The following DNAJC13 variants were observed in gnomAD, a reference collection of about 807,000 sequenced individuals.
DNAJC13 encodes the protein DnaJ heat shock protein family (Hsp40) member C13.
DNAJC13 carries 75 observed loss-of-function variants against 290.5 expected under a neutral mutation model. The observed-to-expected ratio is 0.26, with a 90% CI of 0.21 to 0.31. The LOEUF (loss-of-function observed/expected upper bound fraction) is 0.31, where lower values mean the gene tolerates loss of function less well. Among genes scored for constraint, DNAJC13 ranks in the 10% least tolerant of loss-of-function variants. DNAJC13 has a pLI of 1.00. For synonymous variants in DNAJC13, 862 were observed against 892.0 expected, an observed-to-expected ratio of 0.97 and a Z score of 0.60; for missense variants, 2,260 against 2,674.5, an observed-to-expected ratio of 0.85 and a Z score of 3.42.
intron 47 of DNAJC13, 74 bp from the exon 48 acceptor site, chr3:132,516,630 A>C: frequency 1.2e-5 from 19 of 1,530,118 alleles, no homozygotes; most frequent in Non-Finnish European, 1.7e-5. Context: ...ATTCAGTTGA[A>C]ATATGGTTGA....
In DNAJC13 at chr3:132,526,167, A is replaced by G. The variant is rs762432036; in HGVS notation, c.6267A>G (p.Leu2089=). The G allele has an allele frequency of 1.8e-5, 29 of 1,614,010 alleles. No individual in the cohort carries two copies. The highest frequency in any genetic ancestry group is 2.4e-5 in the Non-Finnish European group (28 of 1,179,998). ...TGTGTGTTCGAGCCATGGCATCTTTAGAGACCATTGGCCCACTGATGAATG... is the reference window on the plus strand; with the variant it reads ...TGTGTGTTCGAGCCATGGCATCTTTGGAGACCATTGGCCCACTGATGAATG... ...NELCVRAMAS[L]ETIGPLMNGM... Residue 2089 remains leucine, a synonymous_variant, in exon 53 of 56, where the codon TTA becomes TTG. Coordinates refer to ENST00000260818, the MANE Select transcript of DNAJC13 (RefSeq NM_015268.4).
intron 51 of DNAJC13, 43 bp from the exon 52 acceptor site, chr3:132,525,567 A>T: frequency 1.9e-6 from 3 of 1,594,054 alleles, no homozygotes; most frequent in Non-Finnish European, 2.6e-6. Context: ...TTAGGGCTGT[A>T]TGAGTATTTT....
Position 132,503,352 on chromosome 3 carries a change from A to G in DNAJC13, c.4855A>G (p.Arg1619Gly). Reference protein sequence around the residue: ...LAGMLTPYVARKLAVASVTEI... With the variant: ...LAGMLTPYVAGKLAVASVTEI... Reference sequence around the variant, plus strand: ...TGGCATGCTGACACCCTATGTTGCTAGAAAACTTGCTGTGGCTAGTGTGAC... The same window carrying G: ...TGGCATGCTGACACCCTATGTTGCTGGAAAACTTGCTGTGGCTAGTGTGAC... The change falls in exon 41 of 56, where the codon AGA becomes GGA. Residue 1619 changes from arginine (R) to glycine (G), a missense_variant. Arg to Gly is a moderately radical substitution (Grantham distance 125). Around this residue, in one of 3 missense-constraint regions of DNAJC13, gnomAD observed 1,494 missense variants for 1,693.7 expected, o/e 0.88. Coordinates refer to ENST00000260818, the MANE Select transcript of DNAJC13 (RefSeq NM_015268.4). The G allele has an allele frequency of 6.2e-7, 1 of 1,614,164 alleles. No homozygotes were observed. Among genetic ancestry groups the G allele is most frequent in the South Asian group, 1.1e-5 (1 of 91,086 alleles).
intron 54 of DNAJC13, among the ~76,000 whole-genome samples, 174 bp from the exon 55 acceptor site, chr3:132,530,824 T>C (rs1225028382): frequency 1.3e-5 from 2 of 152,228 alleles, no homozygotes; most frequent in African/African-American, 4.8e-5. Flanking sequence ...CTTAATGAGA[T>C]GTGTCTGGCA....
Position 132,492,480 on chromosome 3 carries a change from A to C in DNAJC13, c.3690A>C (p.Thr1230=). Residue 1230 remains threonine (T), a synonymous_variant, in exon 33 of 56, where the codon ACA becomes ACC. Transcript: ENST00000260818. ...TCACACCTCGTCTTCAGAGTAACAC[A>C]AGAGCACTTTATCAGTATTGCCCCA... ...ADFTPRLQSN[T]RALYQYCPIP... 1 of 1,613,930 alleles carries C rather than the reference A, an allele frequency of 6.2e-7. No homozygotes were observed. Among genetic ancestry groups the C allele is most frequent in the Non-Finnish European group, 8.5e-7 (1 of 1,179,856 alleles).
In DNAJC13 at chr3:132,443,067, G is replaced by A. The variant is rs116343845; in HGVS notation, c.69-3408G>A. Among the ~76,000 whole-genome samples the A allele has an allele frequency of 4.4e-3, 672 of 152,340 alleles. 1 individual carries two copies. Among genetic ancestry groups the A allele is most frequent in the Admixed American group, 8.0e-3 (123 of 15,302 alleles). On this transcript the variant is annotated intron_variant, in intron 2 of 55. Transcript: ENST00000260818. ...ATGCTGGGTACTGTGGTAGGAGTTA[G>A]CCTCAAAGAAGAAGACTTGTGCCTC...
rs1439889548 is a variant in DNAJC13 at position 132,475,074 on chromosome 3, C to T, written c.2434C>T (p.His812Tyr). 2 of 1,594,782 alleles carry T rather than the reference C, an allele frequency of 1.3e-6. No individual in the cohort carries two copies. The highest frequency in any genetic ancestry group is 2.3e-5 in the East Asian group (1 of 43,874). ...GSANVISWNH[H>Y]EFEVKYECLA... ...TGCAAATGTGATCTCCTGGAACCAC[C>T]ATGAGTTTGAGGTAAAGTTTGATTT... Residue 812 changes from histidine to tyrosine, a missense_variant, in exon 22 of 56, where the codon CAT (histidine) becomes TAT (tyrosine). By Grantham distance (83) the His-to-Tyr change is moderately conservative (BLOSUM62 2). Coordinates refer to ENST00000260818, the MANE Select transcript of DNAJC13 (RefSeq NM_015268.4).
rs1939330073 is a variant in DNAJC13 at position 132,434,568 on chromosome 3, A to G, written c.18A>G (p.Glu6=). The G allele has an allele frequency of 1.2e-6, 2 of 1,612,594 alleles. No homozygotes were observed. Among genetic ancestry groups the G allele is most frequent in the South Asian group, 1.1e-5 (1 of 90,942 alleles). ...AGCACAAAATGAACATAATTAGGGAAAATAAGGATCTGGCATGTTTCTACA... is the reference window on the plus strand; with the variant it reads ...AGCACAAAATGAACATAATTAGGGAGAATAAGGATCTGGCATGTTTCTACA... MNIIR[E]NKDLACFYTT... is the part of the protein sequence containing the mutation. Residue 6 remains glutamate, a synonymous_variant, in exon 2 of 56, where the codon GAA becomes GAG. Transcript: ENST00000260818.
rs181141527 is a variant in DNAJC13, at chr3:132,538,291, C to T, written c.*9C>T. On this transcript the variant is annotated 3_prime_UTR_variant, in exon 56 of 56. Coordinates refer to ENST00000260818, the MANE Select transcript of DNAJC13 (RefSeq NM_015268.4). ...TTGGCTATCAGACTTGAAATATTCACGAGAGACAATAAACGCTGAAAGGCC... is the reference window on the plus strand; with the variant it reads ...TTGGCTATCAGACTTGAAATATTCATGAGAGACAATAAACGCTGAAAGGCC... 1.2e-5 allele frequency: 19 copies of T among 1,609,740 alleles called. No individual in the cohort carries two copies. The highest frequency in any genetic ancestry group is 4.5e-5 in the East Asian group (2 of 44,796).
chr3:132,435,493 G>A (rs1939362967), intron 2 of DNAJC13, among the ~76,000 whole-genome samples: 2 of 152,188 alleles, frequency 1.3e-5, no homozygotes, highest in South Asian at 4.1e-4. Context: ...CATCTGAGCT[G>A]TCTAGTATTT....
At chr3:132,475,127 A>G (rs754640470) in intron 22 of DNAJC13, 42 bp downstream of exon 22, 8 of 1,451,498 alleles carry the variant, frequency 5.5e-6, no homozygotes, top group Non-Finnish European at 7.3e-6. Flanking sequence ...TAAAAAATAA[A>G]GCATGTACTA....
At chr3:132,497,030 A>G (rs1935255049) in intron 36 of DNAJC13, among the ~76,000 whole-genome samples, 1 of 152,228 alleles carries the variant, frequency 6.6e-6, no homozygotes, top group Admixed American at 6.5e-5. Flanking sequence ...ATGAAAGCCT[A>G]TCATAACTTT....
intron 50 of DNAJC13, 82 bp downstream of exon 50, chr3:132,523,281 C>T: frequency 6.8e-7 from 1 of 1,460,490 alleles, no homozygotes; most frequent in Non-Finnish European, 9.5e-7. Context: ...TAATGCCGAC[C>T]TATAACTACT....
In DNAJC13 at chr3:132,484,649, A is replaced by T; in HGVS notation, c.3244A>T (p.Thr1082Ser). ...PKVKRLLSDS[T>S]CLPHIIQLLL... ...AGTGAAAAGACTGCTGTCAGATAGC[A>T]CTTGCCTTCCCCATATTATTCAGGT... is the stretch of plus-strand genomic sequence containing the variant. The change falls in exon 29 of 56, where the codon ACT becomes TCT. Residue 1082 changes from threonine to serine, a missense_variant. Thr to Ser is a moderately conservative substitution (Grantham distance 58, BLOSUM62 1). Around this residue, in one of 3 missense-constraint regions of DNAJC13, gnomAD observed 1,494 missense variants for 1,693.7 expected, o/e 0.88. Transcript: ENST00000260818. 6.2e-7 allele frequency: 1 copy of T among 1,614,042 alleles called. No homozygotes were observed. Among genetic ancestry groups the T allele is most frequent in the East Asian group, 2.2e-5 (1 of 44,874 alleles).
chr3:132,484,165 A>G (rs781094531), intron 28 of DNAJC13, among the ~76,000 whole-genome samples: 2 of 152,250 alleles, frequency 1.3e-5, no homozygotes, highest in Admixed American at 6.5e-5. Context: ...ACTCAAAATT[A>G]TACAGTTAGT....
At chr3:132,421,313 A>G (rs1055998504) in intron 1 of DNAJC13, among the ~76,000 whole-genome samples, 2 of 152,244 alleles carry the variant, frequency 1.3e-5, no homozygotes, top group East Asian at 1.9e-4. Context: ...GTAATACACC[A>G]ATCCTGTTAA....
chr3:132,480,421 T>G lies in DNAJC13; in HGVS notation c.2825T>G (p.Leu942Trp). Reference sequence around the variant, plus strand: ...AATGGAATAAGAATCCTTGTGGACTTGCTTACCCTTGCACATCTCCATGTA... The same window carrying G: ...AATGGAATAAGAATCCTTGTGGACTGGCTTACCCTTGCACATCTCCATGTA... ...DSNGIRILVDLLTLAHLHVSR... is the reference protein window; with the variant it reads ...DSNGIRILVDWLTLAHLHVSR... Residue 942 changes from leucine to tryptophan, a missense_variant, in exon 26 of 56, where the codon TTG (leucine) becomes TGG (tryptophan). Transcript: ENST00000260818. 1 of 1,613,740 alleles carries G rather than the reference T, an allele frequency of 6.2e-7. No homozygotes were observed. The highest frequency in any genetic ancestry group is 8.5e-7 in the Non-Finnish European group (1 of 1,179,758).
At chr3:132,520,044 A>C (rs754908150) in intron 48 of DNAJC13, among the ~76,000 whole-genome samples, 1 of 152,168 alleles carries the variant, frequency 6.6e-6, no homozygotes, top group Non-Finnish European at 1.5e-5. Context: ...TAGCACGAGA[A>C]AGACCTGCCC....
At chr3:132,464,162 A>G (rs772795987) in intron 17 of DNAJC13, among the ~76,000 whole-genome samples, 3 of 152,194 alleles carry the variant, frequency 2.0e-5, no homozygotes, top group Non-Finnish European at 4.4e-5. Flanking sequence ...TCTTGCATGC[A>G]CATGACCCCA....
Sources: gnomAD v4.1 joint callset for allele counts (sites outside exome capture counted in the v4.1 genomes callset) on GRCh38, gnomAD v4.1.1 for gene constraint, gnomAD v4.1.1 regional missense constraint, MANE v1.5 for transcripts, NCBI Gene and HGNC (gene_info 2026-07-23, HGNC 2026-07-21) for gene names.